CDH13: variants seen among roughly 807,000 people sequenced by gnomAD.
The protein encoded by CDH13 is cadherin-13.
In CDH13, 24 loss-of-function variants were observed where a neutral mutation model predicts 63.8. The observed-to-expected ratio is 0.38, with a 90% confidence interval of 0.27 to 0.53. The LOEUF is 0.53. CDH13 is among the 20% of genes least tolerant of loss of function. The pLI is 0.85. For synonymous variants in CDH13, 503 were observed against 355.3 expected, an observed-to-expected ratio of 1.42 and a Z score of -4.67; for missense variants, 1,049 against 903.1, an observed-to-expected ratio of 1.16 and a Z score of -2.07.
intron 7 of CDH13, among the ~76,000 whole-genome samples, chr16:83,578,821 A>G (rs1442305586): frequency 6.6e-6 from 1 of 152,188 alleles, no homozygotes; most frequent in Non-Finnish European, 1.5e-5. Context: ...TCGGTGTCCT[A>G]TGTGTATCAT....
intron 5 of CDH13, among the ~76,000 whole-genome samples, chr16:83,301,607 G>A (rs1410780667): frequency 1.3e-5 from 2 of 152,158 alleles, no homozygotes; most frequent in Non-Finnish European, 2.9e-5. Flanking sequence ...ATGTAAGAGA[G>A]GTTGTTCTAG....
intron 10 of CDH13, among the ~76,000 whole-genome samples, chr16:83,709,755 A>C (rs140787031): frequency 5.3e-5 from 8 of 152,236 alleles, no homozygotes; most frequent in African/African-American, 1.9e-4. Context: ...TTATTCATAG[A>C]CTTTGTCATC....
At chr16:82,825,041 G>A (rs568445962) in intron 1 of CDH13, 1 of 152,276 alleles carries the variant, frequency 6.6e-6, no homozygotes, top group African/African-American at 2.4e-5. Flanking sequence ...TGTGTGCTCA[G>A]GTGAGCTAAT....
intron 1 of CDH13, among the ~76,000 whole-genome samples, chr16:82,701,174 A>G (rs963912825): frequency 6.6e-6 from 1 of 151,742 alleles, no homozygotes; most frequent in Non-Finnish European, 1.5e-5. Context: ...CTCACCTTCT[A>G]CTAATATTAG....
At chr16:83,266,748 T>C (rs1162314752) in intron 5 of CDH13, among the ~76,000 whole-genome samples, 1 of 152,184 alleles carries the variant, frequency 6.6e-6, no homozygotes, top group Non-Finnish European at 1.5e-5. Context: ...TGTGGCTGTC[T>C]TTTACCTCAT....
chr16:82,798,289 G>A (rs372761621), intron 1 of CDH13, among the ~76,000 whole-genome samples: 2 of 152,214 alleles, frequency 1.3e-5, no homozygotes, highest in Admixed American at 6.5e-5. Flanking sequence ...CGTAGGAGCC[G>A]CACACTCAGT....
At chr16:82,647,960 C>T (rs1258017137) in intron 1 of CDH13, among the ~76,000 whole-genome samples, 1 of 152,110 alleles carries the variant, frequency 6.6e-6, no homozygotes, top group Non-Finnish European at 1.5e-5. Flanking sequence ...GTGCCGTTTT[C>T]ATGGTAGTGA....
chr16:83,109,129 A>G (rs17194449), intron 3 of CDH13, among the ~76,000 whole-genome samples: 15,329 of 152,178 alleles, frequency 0.1, 896 homozygotes, highest in African/African-American at 0.15. Flanking sequence ...CTCATGTACA[A>G]AAAGGAAACC....
intron 2 of CDH13, among the ~76,000 whole-genome samples, chr16:82,877,870 A>G (rs1399773477): frequency 6.7e-6 from 1 of 150,136 alleles, no homozygotes; most frequent in Non-Finnish European, 1.5e-5. Flanking sequence ...TAGGACTCAA[A>G]CCCTGTCATG....
intron 4 of CDH13, among the ~76,000 whole-genome samples, chr16:83,210,222 G>A (rs139994345): frequency 2.6e-5 from 4 of 151,986 alleles, no homozygotes; most frequent in African/African-American, 4.8e-5. Context: ...CTGCCACCAC[G>A]CCTAGCTAGT....
At chr16:82,702,541 C>G (rs767494033) in intron 1 of CDH13, among the ~76,000 whole-genome samples, 1 of 152,172 alleles carries the variant, frequency 6.6e-6, no homozygotes, top group Non-Finnish European at 1.5e-5. Flanking sequence ...TGGAGGTTTT[C>G]TGATTCCCAT....
At chr16:82,812,659 G>A (rs1405446001) in intron 1 of CDH13, among the ~76,000 whole-genome samples, 1 of 152,148 alleles carries the variant, frequency 6.6e-6, no homozygotes, top group Non-Finnish European at 1.5e-5. Flanking sequence ...AGATGGGAGG[G>A]GAAGAAATGG....
intron 7 of CDH13, among the ~76,000 whole-genome samples, chr16:83,601,699 A>G (rs1907811231): frequency 2.0e-5 from 3 of 152,220 alleles, no homozygotes; most frequent in South Asian, 4.1e-4. Context: ...GTGAGTTCCT[A>G]AAGCTGCCAT....
chr16:83,787,193 A>G (rs182067770), intron 13 of CDH13, among the ~76,000 whole-genome samples: 1 of 152,338 alleles, frequency 6.6e-6, no homozygotes, highest in East Asian at 1.9e-4. Flanking sequence ...CCTGTGTTAC[A>G]TTCACAAGGT....
intron 2 of CDH13, among the ~76,000 whole-genome samples, chr16:82,920,717 C>T (rs2042128669): frequency 6.6e-6 from 1 of 152,142 alleles, no homozygotes; most frequent in African/African-American, 2.4e-5. Context: ...TTTTTTCCCC[C>T]TCTCTTGGCT....
chr16:82,840,237 G>A (rs528167708), intron 1 of CDH13, among the ~76,000 whole-genome samples: 1 of 152,054 alleles, frequency 6.6e-6, no homozygotes, highest in East Asian at 1.9e-4. Context: ...TTAGAGAAGA[G>A]GGTAATGTTT....
chr16:83,718,654 C>A (rs1006572910), intron 10 of CDH13, among the ~76,000 whole-genome samples: 3 of 152,054 alleles, frequency 2.0e-5, no homozygotes, highest in African/African-American at 4.8e-5. Context: ...ATATTGAGGT[C>A]CTAGGGAAAA....
At chr16:83,682,553 C>T (rs958169061) in intron 10 of CDH13, among the ~76,000 whole-genome samples, 1 of 152,138 alleles carries the variant, frequency 6.6e-6, no homozygotes, top group African/African-American at 2.4e-5. Flanking sequence ...ACTGACTGTG[C>T]GCATCCTGAG....
intron 5 of CDH13, among the ~76,000 whole-genome samples, chr16:83,339,596 C>G (rs1421574940): frequency 6.6e-6 from 1 of 152,112 alleles, no homozygotes; most frequent in African/African-American, 2.4e-5. Context: ...ATGCTCTGCT[C>G]AGGGCCCGGA....
Sources: allele counts gnomAD v4.1 joint callset (sites outside exome capture counted in the v4.1 genomes callset), GRCh38; gene constraint gnomAD v4.1.1; transcripts MANE v1.5; gene names NCBI Gene and HGNC (gene_info 2026-07-23, HGNC 2026-07-21).